Variants in CTSB observed in about 807,000 individuals in gnomAD.
CTSB encodes the protein cathepsin B.
In CTSB, 57 loss-of-function variants were observed where a neutral mutation model predicts 44.3. That is an observed-to-expected ratio of 1.29 (90% CI 1.04 to 1.60). The LOEUF (loss-of-function observed/expected upper bound fraction) is 1.60, where lower values mean the gene tolerates loss of function less well. Ranked by LOEUF, CTSB falls within the 40% of genes most tolerant of loss-of-function variation. CTSB has a pLI of 0.00. For synonymous variants in CTSB, 320 were observed against 168.0 expected (o/e 1.91, Z -7.00); for missense variants, 768 against 443.0 (o/e 1.73, Z -6.59).
At chr8:11,847,027 A>C (rs1200672337) in intron 8 of CTSB, 25 bp downstream of exon 8, 3 of 1,222,944 alleles carry the variant, frequency 2.5e-6, no homozygotes, top group South Asian at 2.4e-5. Context: ...CCCACCCTCT[A>C]TTGCCATCAG....
In CTSB at chr8:11,844,317, C is replaced by T. The variant is rs935277335; in HGVS notation, c.*808G>A. On this transcript the variant is annotated 3_prime_UTR_variant, in exon 10 of 10. Coordinates refer to ENST00000353047, the MANE Select transcript of CTSB (RefSeq NM_001908.5). The stretch of plus-strand genomic sequence containing the variant: ...GGATCTGAGATCCCATCAGAGTAGA[C>T]TTCAAGTTGGAGAAAACTTTTATTG... 1.3e-5 allele frequency: 2 copies of T among 152,228 alleles called. No individual in the cohort carries two copies. Among genetic ancestry groups the T allele is most frequent in the East Asian group, 3.8e-4 (2 of 5,202 alleles). The allele number at this position is 152,228 out of a possible 1,614,324, so 9.4% of individuals were successfully genotyped here.
At chr8:11,856,972 A>C (rs1004828477) in intron 1 of CTSB, among the ~76,000 whole-genome samples, 2 of 152,174 alleles carry the variant, frequency 1.3e-5, no homozygotes, top group African/African-American at 2.4e-5. Context: ...CATTTGTTTT[A>C]ATGATTCCTC....
intron 1 of CTSB, among the ~76,000 whole-genome samples, chr8:11,857,421 A>C (rs1163633840): frequency 1.3e-5 from 2 of 152,094 alleles, no homozygotes; most frequent in Non-Finnish European, 2.9e-5. Context: ...CCACACTGTG[A>C]GGTTAGCATG....
intron 1 of CTSB, among the ~76,000 whole-genome samples, chr8:11,865,906 T>C (rs1586214597): frequency 7.1e-6 from 1 of 141,436 alleles, no homozygotes; most frequent in Admixed American, 6.9e-5. Flanking sequence ...TCCCAGCTAC[T>C]TGGGAGGGAG....
At chr8:11,845,268 C>T (rs764939118) in intron 9 of CTSB, 46 bp from the exon 10 acceptor site, 15 of 1,416,650 alleles carry the variant, frequency 1.1e-5, no homozygotes, top group Admixed American at 1.0e-4. Context: ...CAAGGGTCAA[C>T]CAATATAGTC....
rs774765393 is a variant in CTSB, at chr8:11,847,732, C to T, written c.623G>A (p.Ser208Asn). 4 of 1,599,340 alleles carry T rather than the reference C, an allele frequency of 2.5e-6. No individual in the cohort carries two copies. Among genetic ancestry groups the T allele is most frequent in the East Asian group, 4.5e-5 (2 of 44,664 alleles). Residue 208 changes from serine to asparagine, a missense_variant, in exon 7 of 10, where the codon AGC (serine) becomes AAC (asparagine). Coordinates refer to ENST00000353047, the MANE Select transcript of CTSB (RefSeq NM_001908.5). ...GCTGTAGCCAGGCTCACAGATCTTG[C>T]TACACTTGGGGGTATCTCCCTCCCC... ...CTGEGDTPKC[S>N]KICEPGYSPT...
At chr8:11,865,705 A>T (rs1408397961) in intron 1 of CTSB, 1 of 151,732 alleles carries the variant, frequency 6.6e-6, no homozygotes, top group African/African-American at 2.4e-5. Flanking sequence ...ACAACTCATT[A>T]CCAGATTTAA....
chr8:11,857,035 G>A (rs1484208855), intron 1 of CTSB, among the ~76,000 whole-genome samples: 1 of 152,084 alleles, frequency 6.6e-6, no homozygotes, highest in Non-Finnish European at 1.5e-5. Flanking sequence ...CCTCCCTAGT[G>A]ACTTTGAGAT....
At chr8:11,845,925 T>C (rs769669904) in intron 8 of CTSB, 136 bp from the exon 9 acceptor site, 10 of 1,024,744 alleles carry the variant, frequency 9.8e-6, no homozygotes, top group Non-Finnish European at 1.3e-5. Flanking sequence ...ACCAGGAGGC[T>C]CCAGGGGGGG....
Position 11,847,735 on chromosome 8 carries a change from C to T in CTSB, c.620G>A (p.Cys207Tyr). ...GTAGCCAGGCTCACAGATCTTGCTA[C>T]ACTTGGGGGTATCTCCCTCCCCCGT... ...PCTGEGDTPKCSKICEPGYSP... is the reference protein window; with the variant it reads ...PCTGEGDTPKYSKICEPGYSP... Residue 207 changes from cysteine to tyrosine, a missense_variant, in exon 7 of 10, where the codon TGT (cysteine) becomes TAT (tyrosine). Coordinates refer to ENST00000353047, the MANE Select transcript of CTSB (RefSeq NM_001908.5). 1 of 1,600,434 alleles carries T rather than the reference C, an allele frequency of 6.2e-7. No homozygotes were observed. The highest frequency in any genetic ancestry group is 1.3e-5 in the African/African-American group (1 of 74,182).
In CTSB at chr8:11,844,619, A is replaced by C. The variant is rs1375862030; in HGVS notation, c.*506T>G. 1 of 154,494 alleles carries C rather than the reference A, an allele frequency of 6.5e-6. No individual in the cohort carries two copies. Among genetic ancestry groups the C allele is most frequent in the African/African-American group, 2.4e-5 (1 of 41,482 alleles). The allele number at this position is 154,494 out of a possible 1,614,324, so 9.6% of individuals were successfully genotyped here. A position where few individuals can be genotyped will look rare whatever the true frequency, so the allele number is the denominator to read the frequency against. On this transcript the variant is annotated 3_prime_UTR_variant, in exon 10 of 10. Transcript: ENST00000353047. ...AGAATCATGCTGAGCACAAGATCAGAGAGGTTGTGACATTGCAAACTCGAT... is the reference window on the plus strand; with the variant it reads ...AGAATCATGCTGAGCACAAGATCAGCGAGGTTGTGACATTGCAAACTCGAT...
intron 2 of CTSB, 32 bp downstream of exon 2, chr8:11,853,297 G>A: frequency 6.2e-7 from 1 of 1,610,934 alleles, no homozygotes. Flanking sequence ...ACCTGGGAGG[G>A]GACATACATA....
In CTSB at chr8:11,847,044, G is replaced by A. The variant is rs763981146; in HGVS notation, c.793+8C>T. The A allele has an allele frequency of 9.1e-6, 12 of 1,317,584 alleles. No homozygotes were observed. The Middle Eastern group carries it at 7.5e-4, about 82-fold the overall frequency. 81.6% of individuals were successfully genotyped at this position (1,317,584 alleles called of 1,614,324 possible). The stretch of plus-strand genomic sequence containing the variant: ...CACCCTCTATTGCCATCAGCCATCA[G>A]CACGCACCTGACTTGTAGAGCAGGA... On this transcript the variant is annotated splice_region_variant and intron_variant, in intron 8 of 9. Coordinates refer to ENST00000353047, the MANE Select transcript of CTSB (RefSeq NM_001908.5).
intron 9 of CTSB, 133 bp downstream of exon 9, chr8:11,845,528 T>C (rs1563377006): frequency 2.7e-6 from 3 of 1,101,970 alleles, no homozygotes; most frequent in African/African-American, 1.6e-5. Flanking sequence ...GCCTGGCACT[T>C]AGGAGGAGCT....
At chr8:11,863,941 C>CAGAA (rs1010187266) in intron 1 of CTSB, among the ~76,000 whole-genome samples, 3 of 152,154 alleles carry the variant, frequency 2.0e-5, no homozygotes, top group Non-Finnish European at 4.4e-5. Context: ...TGCAGAAACT[C>CAGAA]TTCTAAGTAT....
Position 11,853,467 on chromosome 8 carries a change from A to T in CTSB, c.-13T>A. ...AGAGCTGCCACATGTTGGAAGCCGGATCCTAGATCCACCTGGAGAGGACAG... is the reference window on the plus strand; with the variant it reads ...AGAGCTGCCACATGTTGGAAGCCGGTTCCTAGATCCACCTGGAGAGGACAG... On this transcript the variant is annotated 5_prime_UTR_variant, in exon 2 of 10. Coordinates refer to ENST00000353047, the MANE Select transcript of CTSB (RefSeq NM_001908.5). 1 of 1,610,134 alleles carries T rather than the reference A, an allele frequency of 6.2e-7. No individual in the cohort carries two copies. The highest frequency in any genetic ancestry group is 8.5e-7 in the Non-Finnish European group (1 of 1,179,034).
At chr8:11,847,253 G>C in intron 7 of CTSB, 85 bp from the exon 8 acceptor site, 3 of 870,204 alleles carry the variant, frequency 3.4e-6, no homozygotes, top group Non-Finnish European at 5.8e-6. Context: ...CTGATTTCTG[G>C]TGGCCTCCAG....
In CTSB at chr8:11,852,694, G is replaced by C; in HGVS notation, c.128C>G (p.Ala43Gly). The C allele has an allele frequency of 6.2e-7, 1 of 1,613,752 alleles. No individual in the cohort carries two copies. The highest frequency in any genetic ancestry group is 8.5e-7 in the Non-Finnish European group (1 of 1,179,938). ...YVNKRNTTWQ[A>G]GHNFYNVDMS... ...GTCCACGTTGTAGAAGTTGTGCCCGGCCTGGAAGAGAGTCACCCACTGACT... is the reference window on the plus strand; with the variant it reads ...GTCCACGTTGTAGAAGTTGTGCCCGCCCTGGAAGAGAGTCACCCACTGACT... Residue 43 changes from alanine (A) to glycine (G), a missense_variant and splice_region_variant, in exon 3 of 10, where the codon GCC (alanine) becomes GGC (glycine). By Grantham distance (60) the Ala-to-Gly change is moderately conservative. Transcript: ENST00000353047.
At chr8:11,861,273 G>C (rs527236322) in intron 1 of CTSB, 1 of 152,538 alleles carries the variant, frequency 6.6e-6, no homozygotes, top group East Asian at 1.9e-4. Flanking sequence ...CAGCACACAG[G>C]TGTGCAGAGG....
Sources: allele counts gnomAD v4.1 joint callset (sites outside exome capture counted in the v4.1 genomes callset), GRCh38; gene constraint gnomAD v4.1.1; transcripts MANE v1.5; gene names NCBI Gene and HGNC (gene_info 2026-07-23, HGNC 2026-07-21).